AP4S1: variants seen among roughly 807,000 people sequenced by gnomAD.
AP4S1 encodes the protein adaptor related protein complex 4 subunit sigma 1.
Under a neutral mutation model 19.8 loss-of-function variants are expected in AP4S1, and 23 were observed. The observed-to-expected ratio is 1.16, with a 90% CI of 0.84 to 1.65. The LOEUF (loss-of-function observed/expected upper bound fraction) is 1.65. Among genes scored for constraint, AP4S1 ranks in the 40% most tolerant of loss-of-function variants. The probability of loss-of-function intolerance (pLI) is 0.00; values close to 1 mark genes in which losing one functional copy is unlikely to be tolerated. For missense variants in AP4S1, 166 were observed against 172.8 expected, an observed-to-expected ratio of 0.96 and a Z score of 0.22; for synonymous variants, 46 against 54.1, an observed-to-expected ratio of 0.85 and a Z score of 0.66.
At chr14:31,048,825 T>C (rs1253644024) in intron 1 of AP4S1, among the ~76,000 whole-genome samples, 5 of 152,192 alleles carry the variant, frequency 3.3e-5, no homozygotes, top group African/African-American at 9.7e-5. Context: ...TTTTCAACTT[T>C]GGGAGAGACA....
At chr14:31,026,163 C>G (rs1298154247) in intron 1 of AP4S1, 1 of 1,486,576 alleles carries the variant, frequency 6.7e-7, no homozygotes, top group African/African-American at 1.5e-5. Context: ...GCCGCCACCA[C>G]CGCCTCCGGC....
At chr14:31,048,556 G>A (rs897739954) in intron 1 of AP4S1, among the ~76,000 whole-genome samples, 2 of 151,878 alleles carry the variant, frequency 1.3e-5, no homozygotes, top group African/African-American at 2.4e-5. Flanking sequence ...GCAAAACCCC[G>A]TTTTGCCAAA....
chr14:31,080,698 C>A, intron 5 of AP4S1, 114 bp downstream of exon 5: 1 of 1,457,526 alleles, frequency 6.9e-7, no homozygotes, highest in Non-Finnish European at 9.6e-7. Context: ...TGTTCATCAC[C>A]AACAACTATG....
At chr14:31,085,349 C>T in intron 5 of AP4S1, 2 of 992,578 alleles carry the variant, frequency 2.0e-6, no homozygotes, top group Non-Finnish European at 2.4e-6. Flanking sequence ...TGGGATGTCC[C>T]ACCTACGTGC....
intron 1 of AP4S1, among the ~76,000 whole-genome samples, chr14:31,035,875 T>C (rs1033735079): frequency 6.6e-5 from 10 of 151,728 alleles, no homozygotes; most frequent in African/African-American, 9.7e-5. Flanking sequence ...GGACTACAGG[T>C]GCCCGCCACA....
At chr14:31,076,514 GTTATC>G (rs1295555017) in intron 4 of AP4S1, among the ~76,000 whole-genome samples, 1 of 152,098 alleles carries the variant, frequency 6.6e-6, no homozygotes, top group Non-Finnish European at 1.5e-5. Context: ...TGCATTATTT[GTTATC>G]TTATTGTTGA....
At chr14:31,042,031 A>C (rs1885139441) in intron 1 of AP4S1, among the ~76,000 whole-genome samples, 1 of 152,030 alleles carries the variant, frequency 6.6e-6, no homozygotes, top group Non-Finnish European at 1.5e-5. Context: ...GGGTTTTGCC[A>C]TGTTGGCCAG....
intron 4 of AP4S1, among the ~76,000 whole-genome samples, chr14:31,077,844 T>G (rs1183819784): frequency 6.6e-6 from 1 of 151,306 alleles, no homozygotes; most frequent in Non-Finnish European, 1.5e-5. Context: ...CAAGCAATTC[T>G]CCCACCTCAA....
chr14:31,048,502 G>T (rs1008824151), intron 1 of AP4S1, among the ~76,000 whole-genome samples: 2 of 151,640 alleles, frequency 1.3e-5, no homozygotes, highest in Non-Finnish European at 2.9e-5. Context: ...GCTGAAGTGG[G>T]TGGATCACGA....
At chr14:31,063,153 G>A (rs976831160) in intron 1 of AP4S1, among the ~76,000 whole-genome samples, 1 of 151,374 alleles carries the variant, frequency 6.6e-6, no homozygotes, top group Non-Finnish European at 1.5e-5. Context: ...AATAAAGGCC[G>A]AGCGCAGTGA....
chr14:31,064,068 C>G (rs942875398), intron 1 of AP4S1, among the ~76,000 whole-genome samples: 1 of 152,110 alleles, frequency 6.6e-6, no homozygotes, highest in African/African-American at 2.4e-5. Flanking sequence ...TTTCCAAAAC[C>G]TATGTTGAGT....
At chr14:31,090,764 A>T (rs1398975069) in intron 5 of AP4S1, among the ~76,000 whole-genome samples, 2 of 152,384 alleles carry the variant, frequency 1.3e-5, no homozygotes, top group East Asian at 3.9e-4. Context: ...TCATAAACCA[A>T]ATCAAGATGT....
intron 1 of AP4S1, among the ~76,000 whole-genome samples, chr14:31,035,620 G>A (rs1594628284): frequency 6.9e-6 from 1 of 145,434 alleles, no homozygotes; most frequent in Admixed American, 6.8e-5. Flanking sequence ...ATTTCATTTG[G>A]TTGTTACGTT....
intron 1 of AP4S1, among the ~76,000 whole-genome samples, chr14:31,062,093 G>GTTTA (rs1334799790): frequency 2.9e-4 from 44 of 151,766 alleles, no homozygotes; most frequent in Non-Finnish European, 5.0e-4. Flanking sequence ...AATCCTGGAG[G>GTTTA]TTTATTTATT....
intron 5 of AP4S1, among the ~76,000 whole-genome samples, chr14:31,092,091 C>T (rs951223975): frequency 6.6e-6 from 1 of 152,164 alleles, no homozygotes; most frequent in East Asian, 1.9e-4. Flanking sequence ...ACTAACTTCC[C>T]AGTAAGAACA....
At position 31,064,611 on chromosome 14, in the gene AP4S1, C is replaced by T. The variant is rs559393846; in HGVS notation, c.-71-1515C>T. On this transcript the variant is annotated intron_variant, in intron 1 of 5. Transcript: ENST00000542754. The stretch of plus-strand genomic sequence containing the variant: ...TGCTGGGATTACAGGCATGAGCCAC[C>T]GCGCCTGACCAAGTGTCTTTATTTC... Among the ~76,000 whole-genome samples, 8 of 152,216 alleles carry T rather than the reference C, an allele frequency of 5.3e-5. No individual in the cohort carries two copies. The East Asian group carries it at 9.7e-4, about 18-fold the overall frequency.
At chr14:31,025,451 A>T (rs1386137891), upstream of AP4S1, 1 of 144,390 alleles carries the variant, frequency 6.9e-6, no homozygotes, top group Non-Finnish European at 1.4e-5. Context: ...GCCAAATCGG[A>T]AAGGGGGGTG....
chr14:31,074,736 G>A (rs1887264010), intron 4 of AP4S1, among the ~76,000 whole-genome samples: 1 of 152,088 alleles, frequency 6.6e-6, no homozygotes. Context: ...CATCTCTAGT[G>A]ACAGATACTC....
intron 4 of AP4S1, among the ~76,000 whole-genome samples, 159 bp from the exon 5 acceptor site, chr14:31,080,414 A>C (rs1304981543): frequency 2.0e-5 from 3 of 152,212 alleles, no homozygotes; most frequent in Non-Finnish European, 4.4e-5. Context: ...TCCCAAACTT[A>C]GGGCCTTGGC....
Sources: allele counts gnomAD v4.1 joint callset (sites outside exome capture counted in the v4.1 genomes callset), GRCh38; gene constraint gnomAD v4.1.1; transcripts MANE v1.5; gene names NCBI Gene and HGNC (gene_info 2026-07-23, HGNC 2026-07-21).